Variants in CCDC102B observed in about 807,000 individuals in gnomAD.
CCDC102B encodes the protein coiled-coil domain-containing protein 102B.
A neutral mutation model predicts 57.4 loss-of-function variants in CCDC102B; 75 were observed. That is an observed-to-expected ratio of 1.31 (90% confidence interval 1.08 to 1.58). The LOEUF (loss-of-function observed/expected upper bound fraction) is 1.58, where lower values mean the gene tolerates loss of function less well. Among genes scored for constraint, CCDC102B ranks in the 40% most tolerant of loss-of-function variants. The pLI is 0.00. For missense variants in CCDC102B, 636 were observed against 582.6 expected, an observed-to-expected ratio of 1.09 and a Z score of -0.94; for synonymous variants, 206 against 201.9, an observed-to-expected ratio of 1.02 and a Z score of -0.17.
At chr18:69,012,523 AG>A (rs2051546537) in intron 7 of CCDC102B, among the ~76,000 whole-genome samples, 1 of 152,142 alleles carries the variant, frequency 6.6e-6, no homozygotes, top group African/African-American at 2.4e-5. Context: ...CATCAATGTC[AG>A]GTTTGGTCAT....
intron 6 of CCDC102B, among the ~76,000 whole-genome samples, chr18:68,976,989 C>A (rs147488313): frequency 6.6e-6 from 1 of 151,946 alleles, no homozygotes; most frequent in African/African-American, 2.4e-5. Flanking sequence ...CTATGCATAT[C>A]GTCTTTTAAA....
chr18:68,898,827 G>A (rs1484681178), intron 6 of CCDC102B, among the ~76,000 whole-genome samples: 3 of 152,098 alleles, frequency 2.0e-5, no homozygotes, highest in African/African-American at 7.2e-5. Context: ...CACAGATTAA[G>A]AAGCAATTGA....
At chr18:68,850,762 C>G (rs569617332) in intron 4 of CCDC102B, among the ~76,000 whole-genome samples, 2 of 152,076 alleles carry the variant, frequency 1.3e-5, no homozygotes, top group South Asian at 4.2e-4. Context: ...TTCATTTAAT[C>G]AAAGGAACCA....
chr18:69,036,878 T>C (rs1211772051), intron 7 of CCDC102B, among the ~76,000 whole-genome samples: 3 of 151,996 alleles, frequency 2.0e-5, no homozygotes, highest in Admixed American at 1.3e-4. Flanking sequence ...TAAAGGAAGA[T>C]TTTGGGAAGA....
intron 2 of CCDC102B, among the ~76,000 whole-genome samples, chr18:68,718,659 G>T (rs1490094686): frequency 1.3e-5 from 2 of 152,138 alleles, no homozygotes; most frequent in Non-Finnish European, 2.9e-5. Flanking sequence ...TTTTTTAATG[G>T]ATAGATATTA....
chr18:68,765,343 A>AAG (rs1398497813), intron 2 of CCDC102B, among the ~76,000 whole-genome samples: 5 of 141,942 alleles, frequency 3.5e-5, no homozygotes, highest in Middle Eastern at 3.2e-3. Context: ...GAAAGAAAGA[A>AAG]AGAAAGAAAG....
chr18:68,771,546 G>A (rs376942721), intron 2 of CCDC102B, among the ~76,000 whole-genome samples: 3 of 152,128 alleles, frequency 2.0e-5, no homozygotes, highest in South Asian at 4.1e-4. Flanking sequence ...GCTCTCTGGG[G>A]TTTAGGTAAC....
At chr18:68,877,497 G>A (rs749723424) in intron 5 of CCDC102B, among the ~76,000 whole-genome samples, 10 of 152,078 alleles carry the variant, frequency 6.6e-5, no homozygotes, top group African/African-American at 1.9e-4. Context: ...TGTTTACTGC[G>A]TCCCATGAGG....
intron 2 of CCDC102B, among the ~76,000 whole-genome samples, chr18:68,766,933 GA>G (rs1488246699): frequency 6.6e-6 from 1 of 152,128 alleles, no homozygotes; most frequent in Non-Finnish European, 1.5e-5. Flanking sequence ...AACACTGATT[GA>G]AGAGGCAAAG....
chr18:68,730,254 CTT>C (rs1439343157), intron 2 of CCDC102B, among the ~76,000 whole-genome samples: 1 of 152,106 alleles, frequency 6.6e-6, no homozygotes, highest in Non-Finnish European at 1.5e-5. Context: ...GTCAGATTCT[CTT>C]ATCCATTAAA....
chr18:69,042,233 A>T (rs2052452241), intron 7 of CCDC102B, among the ~76,000 whole-genome samples: 1 of 152,138 alleles, frequency 6.6e-6, no homozygotes, highest in Admixed American at 6.6e-5. Flanking sequence ...CATATTAAAC[A>T]CTCAGATTTA....
At chr18:68,822,219 C>A (rs1473671821) in intron 1 of CCDC102B, among the ~76,000 whole-genome samples, 1 of 151,940 alleles carries the variant, frequency 6.6e-6, no homozygotes, top group Non-Finnish European at 1.5e-5. Flanking sequence ...CATAGTGAAA[C>A]CCTGTCTCTA....
intron 6 of CCDC102B, chr18:68,992,782 C>A: frequency 6.2e-6 from 1 of 160,050 alleles, no homozygotes; most frequent in South Asian, 1.6e-4. Context: ...ATGTGTCAAC[C>A]CAGGAGGAAC....
chr18:68,879,161 T>A (rs1475197731), intron 5 of CCDC102B, among the ~76,000 whole-genome samples: 1 of 151,978 alleles, frequency 6.6e-6, no homozygotes, highest in East Asian at 1.9e-4. Context: ...CTGCAGATCT[T>A]CGCGGCGAGT....
intron 7 of CCDC102B, among the ~76,000 whole-genome samples, chr18:69,053,561 A>G (rs2052760138): frequency 1.3e-5 from 2 of 151,760 alleles, no homozygotes; most frequent in South Asian, 4.1e-4. Context: ...AAATAAATGA[A>G]TATTTTCATT....
At chr18:69,039,224 A>G (rs951578117) in intron 7 of CCDC102B, among the ~76,000 whole-genome samples, 6 of 152,016 alleles carry the variant, frequency 3.9e-5, no homozygotes, top group African/African-American at 1.2e-4. Context: ...GCATGTATTT[A>G]TTTTAATATT....
intron 2 of CCDC102B, among the ~76,000 whole-genome samples, chr18:68,784,225 TA>T (rs1276304690): frequency 3.9e-5 from 6 of 152,006 alleles, no homozygotes; most frequent in Non-Finnish European, 8.8e-5. Flanking sequence ...TTCTGTTTTG[TA>T]GGGGGCAGCG....
intron 2 of CCDC102B, among the ~76,000 whole-genome samples, chr18:68,782,251 T>A (rs1190470873): frequency 6.6e-6 from 1 of 152,126 alleles, no homozygotes; most frequent in South Asian, 2.1e-4. Context: ...TTTACTTATT[T>A]GGTGCATTTT....
intron 5 of CCDC102B, among the ~76,000 whole-genome samples, chr18:68,878,598 C>T (rs2039547109): frequency 6.6e-6 from 1 of 152,098 alleles, no homozygotes; most frequent in Non-Finnish European, 1.5e-5. Flanking sequence ...ACGCCTCTAC[C>T]ATGTGGATAC....
Sources: gnomAD v4.1 joint callset for allele counts (sites outside exome capture counted in the v4.1 genomes callset) on GRCh38, gnomAD v4.1.1 for gene constraint, MANE v1.5 for transcripts, NCBI Gene and HGNC (gene_info 2026-07-23, HGNC 2026-07-21) for gene names.